TMEM182: variants seen among roughly 807,000 people sequenced by gnomAD.
TMEM182 encodes the protein transmembrane protein 182.
TMEM182 carries 20 observed loss-of-function variants against 26.8 expected under a neutral mutation model. The observed-to-expected ratio is 0.75, with a 90% CI of 0.53 to 1.09. The LOEUF (loss-of-function observed/expected upper bound fraction) is 1.09, where lower values mean the gene tolerates loss of function less well. Among genes scored for constraint, TMEM182 ranks in the 50% least tolerant of loss-of-function variants. The pLI is 0.00. For missense variants in TMEM182, 277 were observed against 275.5 expected, an observed-to-expected ratio of 1.01 and a Z score of -0.04; for synonymous variants, 109 against 102.2, an observed-to-expected ratio of 1.07 and a Z score of -0.40.
At chr2:102,811,912 A>C (rs554746672) in intron 4 of TMEM182, among the ~76,000 whole-genome samples, 1 of 152,318 alleles carries the variant, frequency 6.6e-6, no homozygotes, top group South Asian at 2.1e-4. Flanking sequence ...TTAGGCATCA[A>C]GATCTGGACA....
rs938598819 is a variant in TMEM182, at chr2:102,816,890, A to G, written c.*1922A>G. 1 of 985,684 alleles carries G rather than the reference A, an allele frequency of 1.0e-6. No homozygotes were observed. Among genetic ancestry groups the G allele is most frequent in the Non-Finnish European group, 1.2e-6 (1 of 829,918 alleles). The allele number at this position is 985,684 out of a possible 1,614,324, so 61.1% of individuals were successfully genotyped here. Reference sequence around the variant, plus strand: ...TTCACATACAAGCTGCTTTCGGCAAAGGCTTGAATATTTATAAATTTCAGA... The same window carrying G: ...TTCACATACAAGCTGCTTTCGGCAAGGGCTTGAATATTTATAAATTTCAGA... On this transcript the variant is annotated 3_prime_UTR_variant, in exon 5 of 5. Transcript: ENST00000412401.
chr2:102,778,414 T>C (rs1268787753), intron 3 of TMEM182, among the ~76,000 whole-genome samples: 4 of 152,046 alleles, frequency 2.6e-5, no homozygotes, highest in African/African-American at 9.7e-5. Context: ...GAGTGTCTTA[T>C]AGACAATGTA....
intron 3 of TMEM182, among the ~76,000 whole-genome samples, chr2:102,827,776 A>T (rs766918269): frequency 2.7e-4 from 41 of 152,242 alleles, no homozygotes; most frequent in Non-Finnish European, 5.0e-4. Flanking sequence ...AGCAGCTTCC[A>T]CAAAGATTTG....
chr2:102,824,600 A>G (rs1265803746), intron 3 of TMEM182, among the ~76,000 whole-genome samples: 1 of 152,128 alleles, frequency 6.6e-6, no homozygotes, highest in Non-Finnish European at 1.5e-5. Context: ...CGAGGTGGGC[A>G]GATCACAAGG....
intron 1 of TMEM182, among the ~76,000 whole-genome samples, chr2:102,737,706 A>G (rs1424472105): frequency 6.6e-6 from 1 of 152,204 alleles, no homozygotes. Context: ...AGTGCAGTGA[A>G]AGGAATTAAG....
upstream of TMEM182, chr2:102,758,368 A>C (rs1325252327): frequency 2.9e-6 from 2 of 695,964 alleles, no homozygotes; most frequent in Non-Finnish European, 5.3e-6. Context: ...GCAACACTGA[A>C]TGGCTGTTAA....
intron 4 of TMEM182, among the ~76,000 whole-genome samples, chr2:102,811,913 G>A (rs1682567611): frequency 6.6e-6 from 1 of 152,172 alleles, no homozygotes; most frequent in South Asian, 2.1e-4. Context: ...TAGGCATCAA[G>A]ATCTGGACAC....
intron 3 of TMEM182, among the ~76,000 whole-genome samples, chr2:102,837,349 G>A (rs1683265257): frequency 1.3e-5 from 2 of 152,112 alleles, no homozygotes; most frequent in African/African-American, 4.8e-5. Flanking sequence ...TTAAACTAGA[G>A]AGAAGAAAAG....
intron 1 of TMEM182, among the ~76,000 whole-genome samples, chr2:102,749,956 G>A (rs1679829215): frequency 1.3e-5 from 2 of 151,956 alleles, no homozygotes; most frequent in Admixed American, 1.3e-4. Flanking sequence ...TAGGTGGTAA[G>A]ATTGCCCTTT....
Position 102,788,775 on chromosome 2 carries a change from G to A in TMEM182, c.332-9088G>A, listed in dbSNP as rs183430507. ...CTGCCCAGTGTGCTTCCTCCCTGAA[G>A]CATCTCCTGAATCGGGCAAGTTTAA... On this transcript the variant is annotated intron_variant, in intron 3 of 4. Transcript: ENST00000412401. Among the ~76,000 whole-genome samples, 42 of 152,238 alleles carry A rather than the reference G, an allele frequency of 2.8e-4. No individual in the cohort carries two copies. The East Asian group carries it at 5.4e-3, about 20-fold the overall frequency.
intron 3 of TMEM182, among the ~76,000 whole-genome samples, chr2:102,827,145 A>C (rs547049251): frequency 1.3e-5 from 2 of 152,358 alleles, no homozygotes; most frequent in African/African-American, 4.8e-5. Flanking sequence ...GTTACAGTGC[A>C]GCATCGCCAG....
At chr2:102,832,945 T>C (rs1683178958) in intron 3 of TMEM182, among the ~76,000 whole-genome samples, 1 of 152,224 alleles carries the variant, frequency 6.6e-6, no homozygotes, top group Non-Finnish European at 1.5e-5. Flanking sequence ...GATGACCTGC[T>C]GGGTCTTTCT....
chr2:102,762,463 T>C (rs1680252390), intron 1 of TMEM182, 114 bp downstream of exon 1: 5 of 1,523,834 alleles, frequency 3.3e-6, no homozygotes, highest in South Asian at 1.2e-5. Flanking sequence ...GGAAGAGATA[T>C]GTAGAAAGCT....
intron 3 of TMEM182, among the ~76,000 whole-genome samples, chr2:102,835,040 G>GC (rs1683219481): frequency 6.6e-6 from 1 of 152,178 alleles, no homozygotes. Flanking sequence ...CAAAGCAATT[G>GC]TGGGGGGCGG....
At chr2:102,771,912 T>C (rs1414995655) in intron 3 of TMEM182, among the ~76,000 whole-genome samples, 2 of 152,152 alleles carry the variant, frequency 1.3e-5, no homozygotes, top group Non-Finnish European at 1.5e-5. Flanking sequence ...CCTCCAGACA[T>C]TGCCAGGTGT....
At chr2:102,765,625 T>A (rs1014312912) in intron 3 of TMEM182, among the ~76,000 whole-genome samples, 1 of 152,220 alleles carries the variant, frequency 6.6e-6, no homozygotes, top group Non-Finnish European at 1.5e-5. Context: ...TCCTGTTAAA[T>A]ATGTAATTCC....
intron 3 of TMEM182, among the ~76,000 whole-genome samples, chr2:102,833,389 G>A (rs1242040539): frequency 2.0e-5 from 3 of 152,272 alleles, no homozygotes; most frequent in Non-Finnish European, 2.9e-5. Context: ...AATTGTGCAT[G>A]GGGACTAGAA....
intron 3 of TMEM182, among the ~76,000 whole-genome samples, chr2:102,831,822 T>C (rs1185512163): frequency 2.0e-5 from 3 of 151,840 alleles, no homozygotes; most frequent in Admixed American, 2.0e-4. Context: ...TCTTGGGATA[T>C]GCTTCTTAAT....
chr2:102,813,800 T>C (rs1682639367), intron 4 of TMEM182, among the ~76,000 whole-genome samples: 1 of 152,056 alleles, frequency 6.6e-6, no homozygotes, highest in South Asian at 2.1e-4. Context: ...ATTCCAAGAG[T>C]GTTTGGAACC....
Sources: gnomAD v4.1 joint callset for allele counts (sites outside exome capture counted in the v4.1 genomes callset) on GRCh38, gnomAD v4.1.1 for gene constraint, MANE v1.5 for transcripts, NCBI Gene and HGNC (gene_info 2026-07-23, HGNC 2026-07-21) for gene names.